MTMR7: variants seen among roughly 807,000 people sequenced by gnomAD.
MTMR7 encodes the protein myotubularin related protein 7, also known as phosphatidylinositol-3-phosphate phosphatase MTMR7.
Under a neutral mutation model 81.2 loss-of-function variants are expected in MTMR7, and 76 were observed. That is an observed-to-expected ratio of 0.94 (90% CI 0.78 to 1.13). The LOEUF (loss-of-function observed/expected upper bound fraction) is 1.13. Among genes scored for constraint, MTMR7 ranks in the 50% most tolerant of loss-of-function variants. The probability of loss-of-function intolerance (pLI) is 0.00; values close to 1 mark genes in which losing one functional copy is unlikely to be tolerated. For missense variants in MTMR7, 1,044 were observed against 820.0 expected (o/e 1.27, Z -3.34); for synonymous variants, 372 against 289.8 (o/e 1.28, Z -2.88).
At chr8:17,373,000 C>G in intron 2 of MTMR7, 118 bp downstream of exon 2, 6 of 1,241,948 alleles carry the variant, frequency 4.8e-6, no homozygotes, top group Non-Finnish European at 6.7e-6. Context: ...GAAACAGTTC[C>G]CCAACATCCA....
At chr8:17,374,166 T>A (rs939588911) in intron 1 of MTMR7, among the ~76,000 whole-genome samples, 1 of 152,186 alleles carries the variant, frequency 6.6e-6, no homozygotes, top group South Asian at 2.1e-4. Context: ...AACTAACGCA[T>A]TGTATTCGCT....
At position 17,299,889 on chromosome 8, in the gene MTMR7, A is replaced by C; in HGVS notation, c.1956T>G (p.Ser652=). The change falls in exon 14 of 14, where the codon TCT becomes TCG. Residue 652 remains serine, a synonymous_variant. Coordinates refer to ENST00000180173, the MANE Select transcript of MTMR7 (RefSeq NM_004686.5). ...AGGCAGTGAGAAACACGGCTTCATC[A>C]GAATCCCGGTCCTTGCCACTATCTT... ...PSEDSGKDRD[S]DEAVFLTA 3 of 1,614,088 alleles carry C rather than the reference A, an allele frequency of 1.9e-6. No homozygotes were observed. The highest frequency in any genetic ancestry group is 2.2e-5 in the East Asian group (1 of 44,872).
intron 7 of MTMR7, among the ~76,000 whole-genome samples, chr8:17,322,067 G>A (rs1258533727): frequency 2.6e-5 from 4 of 152,160 alleles, no homozygotes; most frequent in African/African-American, 9.7e-5. Context: ...CTTGTACCCT[G>A]AGATCTGAAG....
chr8:17,332,921 G>A (rs879733752), intron 6 of MTMR7, among the ~76,000 whole-genome samples: 1 of 152,166 alleles, frequency 6.6e-6, no homozygotes, highest in South Asian at 2.1e-4. Context: ...AGCATGGCAG[G>A]CGACAGGAGA....
intron 1 of MTMR7, among the ~76,000 whole-genome samples, chr8:17,382,421 G>A (rs897366403): frequency 1.3e-5 from 2 of 152,194 alleles, no homozygotes; most frequent in Non-Finnish European, 2.9e-5. Context: ...AAACCCTAGA[G>A]CACTTGGTAA....
At chr8:17,413,054 C>T (rs547571176) in intron 1 of MTMR7, among the ~76,000 whole-genome samples, 1 of 152,344 alleles carries the variant, frequency 6.6e-6, no homozygotes, top group African/African-American at 2.4e-5. Flanking sequence ...GAGGTCAGAC[C>T]CAGCAGCAGC....
At chr8:17,405,747 T>A (rs930621538) in intron 1 of MTMR7, among the ~76,000 whole-genome samples, 1 of 150,768 alleles carries the variant, frequency 6.6e-6, no homozygotes, top group African/African-American at 2.4e-5. Flanking sequence ...ACTATGTGGT[T>A]AAAAAAAAAA....
intron 3 of MTMR7, among the ~76,000 whole-genome samples, chr8:17,363,656 T>C (rs909660057): frequency 6.6e-6 from 1 of 152,042 alleles, no homozygotes; most frequent in Non-Finnish European, 1.5e-5. Flanking sequence ...TAAGGAAAAT[T>C]GTACACGAGG....
At chr8:17,366,015 A>C (rs919706841) in intron 3 of MTMR7, among the ~76,000 whole-genome samples, 1 of 152,176 alleles carries the variant, frequency 6.6e-6, no homozygotes, top group African/African-American at 2.4e-5. Flanking sequence ...AGGGAAGCCT[A>C]GGGCACTACA....
At chr8:17,393,977 A>G (rs2106029) in intron 1 of MTMR7, among the ~76,000 whole-genome samples, 59,408 of 152,062 alleles carry the variant, frequency 0.39, 12,543 homozygotes, top group Admixed American at 0.55. Context: ...GCTACCAGGT[A>G]CATGCAACTC....
At chr8:17,373,026 C>A in intron 2 of MTMR7, 92 bp downstream of exon 2, 1 of 1,477,672 alleles carries the variant, frequency 6.8e-7, no homozygotes, top group East Asian at 2.3e-5. Context: ...AAAAGCCCAC[C>A]CATCTCACCC....
chr8:17,311,472 A>C (rs1387320861), intron 9 of MTMR7, 39 bp downstream of exon 9: 1 of 1,613,408 alleles, frequency 6.2e-7, no homozygotes, highest in Non-Finnish European at 8.5e-7. Context: ...TTCCTGGTCA[A>C]GGCACCGCCT....
intron 1 of MTMR7, among the ~76,000 whole-genome samples, chr8:17,382,406 G>A (rs1373978510): frequency 6.6e-6 from 1 of 152,128 alleles, no homozygotes; most frequent in Non-Finnish European, 1.5e-5. Flanking sequence ...GAAATCACTG[G>A]CTAGAAACCC....
intron 1 of MTMR7, among the ~76,000 whole-genome samples, chr8:17,397,073 C>T (rs1032374231): frequency 6.6e-6 from 1 of 151,944 alleles, no homozygotes; most frequent in Non-Finnish European, 1.5e-5. Context: ...AGCAGTGATA[C>T]CCAGGTAGTA....
At chr8:17,313,625 TG>T (rs1211626486) in intron 7 of MTMR7, among the ~76,000 whole-genome samples, 8 of 152,216 alleles carry the variant, frequency 5.3e-5, no homozygotes, top group African/African-American at 1.7e-4. Context: ...ATGCTGCACT[TG>T]TTTACAAGTA....
At chr8:17,372,823 G>A (rs1414098719) in intron 2 of MTMR7, among the ~76,000 whole-genome samples, 1 of 152,058 alleles carries the variant, frequency 6.6e-6, no homozygotes, top group East Asian at 1.9e-4. Context: ...GCTGAATCTG[G>A]CCTACTGACA....
At chr8:17,393,099 C>G (rs1303463508) in intron 1 of MTMR7, among the ~76,000 whole-genome samples, 1 of 152,158 alleles carries the variant, frequency 6.6e-6, no homozygotes, top group Non-Finnish European at 1.5e-5. Flanking sequence ...AGGAATAGAA[C>G]TGAGAGTCCA....
intron 1 of MTMR7, among the ~76,000 whole-genome samples, chr8:17,407,658 G>A (rs1288893707): frequency 3.3e-5 from 5 of 151,566 alleles, no homozygotes; most frequent in South Asian, 2.1e-4. Context: ...AATATGGTAC[G>A]TTTAAAGAAG....
chr8:17,372,273 T>A (rs1192814028), intron 2 of MTMR7, among the ~76,000 whole-genome samples: 4 of 152,076 alleles, frequency 2.6e-5, no homozygotes, highest in Admixed American at 2.0e-4. Context: ...AGGGATGTCA[T>A]GATTGGGTTG....
Sources: allele counts gnomAD v4.1 joint callset (sites outside exome capture counted in the v4.1 genomes callset), GRCh38; gene constraint gnomAD v4.1.1; transcripts MANE v1.5; gene names NCBI Gene and HGNC (gene_info 2026-07-23, HGNC 2026-07-21).